ADAMTS19: variants seen among roughly 807,000 people sequenced by gnomAD.
ADAMTS19 encodes A disintegrin and metalloproteinase with thrombospondin motifs 19.
ADAMTS19 carries 93 observed loss-of-function variants against 153.3 expected under a neutral mutation model. That is an observed-to-expected ratio of 0.61 (90% CI 0.51 to 0.72). ADAMTS19 has a LOEUF of 0.72. ADAMTS19 is among the 30% of genes least tolerant of loss of function. The pLI, the probability that ADAMTS19 is intolerant of heterozygous loss-of-function variation, is 0.00. For missense variants in ADAMTS19, 1,482 were observed against 1,552.1 expected (o/e 0.95, Z 0.76); for synonymous variants, 600 against 556.6 (o/e 1.08, Z -1.10).
chr5:129,460,553 C>A, intron 1 of ADAMTS19, 71 bp downstream of exon 1: 2 of 1,571,978 alleles, frequency 1.3e-6, no homozygotes, highest in Admixed American at 1.7e-5. Flanking sequence ...TACGGGTCGG[C>A]AGGGCTGGTG....
chr5:129,573,806 A>G (rs1360252824), intron 7 of ADAMTS19, among the ~76,000 whole-genome samples: 1 of 152,116 alleles, frequency 6.6e-6, no homozygotes, highest in African/African-American at 2.4e-5. Context: ...AATTGACTTT[A>G]ATTATAGCAT....
rs1437852366 is a variant in ADAMTS19 at position 129,563,841 on chromosome 5, TC to T, written c.1372+11935del. Among the ~76,000 whole-genome samples, 4 of 152,306 alleles carry T rather than the reference TC, an allele frequency of 2.6e-5. No homozygotes were observed. In the East Asian group the frequency reaches 7.7e-4, roughly 29 times the overall value. ...CTCTAGCTATTCAATCAAATGCTAA[TC>T]TAAGTACTGCTGTGAAGGAATTTTG... is the stretch of plus-strand genomic sequence containing the variant. On this transcript the variant is annotated intron_variant, in intron 7 of 22. Coordinates refer to ENST00000274487, the MANE Select transcript of ADAMTS19 (RefSeq NM_133638.6).
chr5:129,571,556 G>A (rs6595911), intron 7 of ADAMTS19, among the ~76,000 whole-genome samples: 114,825 of 151,352 alleles, frequency 0.76, 45,236 homozygotes, highest in Non-Finnish European at 0.88. Context: ...GAAATACCAT[G>A]TTTATGGAGT....
rs752504709 is a variant in ADAMTS19 at position 129,665,542 on chromosome 5, C to T, written c.2469C>T (p.Ile823=). 12 of 1,610,538 alleles carry T rather than the reference C, an allele frequency of 7.5e-6. No individual in the cohort carries two copies. In the South Asian group the frequency reaches 1.1e-4, roughly 15 times the overall value. ...VLVIPAGARR[I]KVVEEKPAHS... ...TGATACCTGCTGGAGCAAGAAGAAT[C>T]AAAGTTGTGGAGGAAAAGCCGGCAC... is the stretch of plus-strand genomic sequence containing the variant. The change falls in exon 16 of 23, where the codon ATC becomes ATT. Residue 823 remains isoleucine (I), a synonymous_variant. Coordinates refer to ENST00000274487, the MANE Select transcript of ADAMTS19 (RefSeq NM_133638.6).
intron 7 of ADAMTS19, among the ~76,000 whole-genome samples, chr5:129,594,646 G>A (rs565875681): frequency 1.4e-4 from 21 of 151,230 alleles, no homozygotes; most frequent in Admixed American, 1.1e-3. Context: ...CAAAATCTTC[G>A]TTTTCCACTC....
At chr5:129,484,746 A>G (rs369937348) in intron 2 of ADAMTS19, among the ~76,000 whole-genome samples, 14 of 152,228 alleles carry the variant, frequency 9.2e-5, no homozygotes, top group Admixed American at 7.2e-4. Context: ...TACATGTGCA[A>G]GAGTTTCTCT....
At chr5:129,685,866 G>A (rs1376503931) in intron 18 of ADAMTS19, among the ~76,000 whole-genome samples, 3 of 152,192 alleles carry the variant, frequency 2.0e-5, no homozygotes, top group African/African-American at 4.8e-5. Flanking sequence ...AAATGGGATA[G>A]GATGGTGAAG....
intron 7 of ADAMTS19, among the ~76,000 whole-genome samples, chr5:129,557,352 C>T (rs1353764954): frequency 1.3e-5 from 2 of 152,084 alleles, no homozygotes; most frequent in East Asian, 1.9e-4. Flanking sequence ...AATCCCAGCT[C>T]TTTGGGAGGC....
intron 11 of ADAMTS19, among the ~76,000 whole-genome samples, chr5:129,645,446 C>T (rs1753018177): frequency 6.6e-6 from 1 of 152,162 alleles, no homozygotes; most frequent in Non-Finnish European, 1.5e-5. Flanking sequence ...AAAGCAGGTA[C>T]CCTCTAGCTT....
chr5:129,651,678 A>G (rs1191857138), intron 13 of ADAMTS19, among the ~76,000 whole-genome samples: 1 of 152,182 alleles, frequency 6.6e-6, no homozygotes, highest in Non-Finnish European at 1.5e-5. Flanking sequence ...GGAAGAAAGA[A>G]TCCCTCTGAT....
chr5:129,462,595 A>C (rs1749714299), intron 2 of ADAMTS19, among the ~76,000 whole-genome samples: 1 of 147,494 alleles, frequency 6.8e-6, no homozygotes, highest in Non-Finnish European at 1.5e-5. Flanking sequence ...CTATAAGTTG[A>C]CCTTTGTGTG....
intron 16 of ADAMTS19, among the ~76,000 whole-genome samples, chr5:129,673,186 G>A (rs1754390650): frequency 6.6e-6 from 1 of 151,686 alleles, no homozygotes; most frequent in Non-Finnish European, 1.5e-5. Context: ...ACTGACTTCT[G>A]CCCTTTATTA....
intron 10 of ADAMTS19, among the ~76,000 whole-genome samples, chr5:129,625,439 T>G (rs563341413): frequency 6.6e-6 from 1 of 152,334 alleles, no homozygotes; most frequent in South Asian, 2.1e-4. Flanking sequence ...TTGAACTAGT[T>G]TACAGTCCCA....
intron 10 of ADAMTS19, among the ~76,000 whole-genome samples, chr5:129,622,855 T>C (rs1751843714): frequency 1.3e-5 from 2 of 152,176 alleles, no homozygotes; most frequent in African/African-American, 4.8e-5. Flanking sequence ...GTAATTATTA[T>C]ACTATGTTAT....
At chr5:129,543,539 C>T (rs1752739511) in intron 6 of ADAMTS19, among the ~76,000 whole-genome samples, 1 of 152,134 alleles carries the variant, frequency 6.6e-6, no homozygotes, top group Non-Finnish European at 1.5e-5. Flanking sequence ...AAACCTGCTC[C>T]CTTGCCAGTA....
chr5:129,671,598 T>C (rs1754301958), intron 16 of ADAMTS19, among the ~76,000 whole-genome samples: 1 of 152,218 alleles, frequency 6.6e-6, no homozygotes, highest in Non-Finnish European at 1.5e-5. Context: ...CCTGTCTACA[T>C]CAAACTATAT....
chr5:129,678,713 G>A (rs1754660376), intron 16 of ADAMTS19, among the ~76,000 whole-genome samples: 1 of 151,966 alleles, frequency 6.6e-6, no homozygotes, highest in Non-Finnish European at 1.5e-5. Context: ...ATTTATTATT[G>A]TAGTTCCAAA....
chr5:129,578,139 T>TATATATAC (rs76285910), intron 7 of ADAMTS19, among the ~76,000 whole-genome samples: 115 of 119,044 alleles, frequency 9.7e-4, no homozygotes, highest in African/African-American at 3.3e-3. Context: ...TACATATACC[T>TATATATAC]ATATGCATGT....
Position 129,478,059 on chromosome 5 carries a change from A to G in ADAMTS19, c.747+16302A>G, listed in dbSNP as rs182708523. Among the ~76,000 whole-genome samples, 13 of 152,354 alleles carry G rather than the reference A, an allele frequency of 8.5e-5. No individual in the cohort carries two copies. In the East Asian group the frequency reaches 2.5e-3, roughly 29 times the overall value. ...CACAATAATATAAATGGTTATAACC[A>G]TGATGATAACATAGGTTTTTAAAGT... On this transcript the variant is annotated intron_variant, in intron 2 of 22. Coordinates refer to ENST00000274487, the MANE Select transcript of ADAMTS19 (RefSeq NM_133638.6).
Sources: allele counts gnomAD v4.1 joint callset (sites outside exome capture counted in the v4.1 genomes callset), GRCh38; gene constraint gnomAD v4.1.1; transcripts MANE v1.5; gene names NCBI Gene and HGNC (gene_info 2026-07-23, HGNC 2026-07-21).